The following PKN2 variants were observed in gnomAD, a reference collection of about 807,000 sequenced individuals.
PKN2 encodes protein kinase N2, also known as serine/threonine-protein kinase N2.
PKN2 carries 38 observed loss-of-function variants against 119.1 expected under a neutral mutation model. The ratio of observed to expected loss-of-function variants is 0.32; its 90% CI spans 0.25 to 0.42. The LOEUF is 0.42. PKN2 is among the 10% of genes least tolerant of loss of function. The pLI, the probability that PKN2 is intolerant of heterozygous loss-of-function variation, is 1.00. For synonymous variants in PKN2, 390 were observed against 384.9 expected, an observed-to-expected ratio of 1.01 and a Z score of -0.15; for missense variants, 850 against 1,165.1, an observed-to-expected ratio of 0.73 and a Z score of 3.94.
intron 8 of PKN2, 75 bp downstream of exon 8, chr1:88,786,288 T>G: frequency 1.4e-6 from 1 of 720,250 alleles, no homozygotes; most frequent in Non-Finnish European, 2.3e-6. Flanking sequence ...TTAGAAGGCT[T>G]CAACAAGTTG....
At chr1:88,729,449 A>C (rs1450583384) in intron 1 of PKN2, among the ~76,000 whole-genome samples, 2 of 152,152 alleles carry the variant, frequency 1.3e-5, no homozygotes, top group East Asian at 3.9e-4. Flanking sequence ...GCTGGTGGCT[A>C]AGCTGGACTG....
At chr1:88,726,749 G>T (rs1667913940) in intron 1 of PKN2, among the ~76,000 whole-genome samples, 1 of 120,510 alleles carries the variant, frequency 8.3e-6, no homozygotes, top group Non-Finnish European at 1.8e-5. Context: ...TTTCATATTG[G>T]GTGAGTTTTG....
chr1:88,835,792 A>G lies in PKN2; in HGVS notation c.*2344A>G, dbSNP rs1672923011. On this transcript the variant is annotated 3_prime_UTR_variant, in exon 22 of 22. Coordinates refer to ENST00000370521, the MANE Select transcript of PKN2 (RefSeq NM_006256.4). ...AATGCACAAATTAAAGTCTATATAG[A>G]TTGAAATTTGTAACTTTGGTTTTAA... 6.6e-6 allele frequency: 1 copy of G among 152,552 alleles called. No homozygotes were observed. Among genetic ancestry groups the G allele is most frequent in the Non-Finnish European group, 1.5e-5 (1 of 67,974 alleles). 9.4% of individuals were successfully genotyped at this position (152,552 alleles called of 1,614,324 possible).
chr1:88,784,694 A>G lies in PKN2; in HGVS notation c.1041A>G (p.Gly347=). Reference sequence around the variant, plus strand: ...AAGATATCCTAGAGAATGTCCCTGGACGGTCAAAAGCAACATCAGTTGCAC... The same window carrying G: ...AAGATATCCTAGAGAATGTCCCTGGGCGGTCAAAAGCAACATCAGTTGCAC... ...GCQDILENVP[G]RSKATSVALP... is the part of the protein sequence containing the mutation. The change falls in exon 7 of 22, where the codon GGA becomes GGG. Residue 347 remains glycine (G), a synonymous_variant. Transcript: ENST00000370521. 1.2e-6 allele frequency: 2 copies of G among 1,611,996 alleles called. No homozygotes were observed. The highest frequency in any genetic ancestry group is 1.7e-6 in the Non-Finnish European group (2 of 1,178,872).
rs531568547 is a variant in PKN2, at chr1:88,778,695, G to A, written c.986-5944G>A. On this transcript the variant is annotated intron_variant, in intron 6 of 21. Coordinates refer to ENST00000370521, the MANE Select transcript of PKN2 (RefSeq NM_006256.4). Reference sequence around the variant, plus strand: ...TTTGACAGATGCCCTCCACTTAGCTGTTTCTCTGCCTTCAAAGATTTTCTT... The same window carrying A: ...TTTGACAGATGCCCTCCACTTAGCTATTTCTCTGCCTTCAAAGATTTTCTT... 2.0e-4 allele frequency among the ~76,000 whole-genome samples: 31 copies of A among 151,702 alleles called. No individual in the cohort carries two copies. The East Asian group carries it at 5.8e-3, about 28-fold the overall frequency.
In PKN2 at chr1:88,771,403, T is replaced by A; in HGVS notation, c.623-18T>A. Reference sequence around the variant, plus strand: ...AGTCAGATAAATGGTGCAATTAAAATTTTTTTTTCCTTTCTAGCAAAACCT... The same window carrying A: ...AGTCAGATAAATGGTGCAATTAAAAATTTTTTTTCCTTTCTAGCAAAACCT... On this transcript the variant is annotated intron_variant, in intron 4 of 21. Coordinates refer to ENST00000370521, the MANE Select transcript of PKN2 (RefSeq NM_006256.4). 3 of 1,545,454 alleles carry A rather than the reference T, an allele frequency of 1.9e-6. No individual in the cohort carries two copies. Among genetic ancestry groups the A allele is most frequent in the Non-Finnish European group, 2.6e-6 (3 of 1,147,278 alleles).
chr1:88,700,808 T>C (rs1225464699), intron 1 of PKN2, among the ~76,000 whole-genome samples: 1 of 152,244 alleles, frequency 6.6e-6, no homozygotes, highest in Non-Finnish European at 1.5e-5. Flanking sequence ...AAAGGAAGTA[T>C]TCACTTCTGT....
chr1:88,708,538 A>G (rs149236611), intron 1 of PKN2, among the ~76,000 whole-genome samples: 42 of 152,068 alleles, frequency 2.8e-4, no homozygotes, highest in African/African-American at 1.0e-3. Context: ...ATTATATTCA[A>G]CATAATGTAG....
At chr1:88,778,799 C>T (rs1670210835) in intron 6 of PKN2, among the ~76,000 whole-genome samples, 1 of 152,012 alleles carries the variant, frequency 6.6e-6, no homozygotes, top group South Asian at 2.1e-4. Flanking sequence ...CTGCAAGCTC[C>T]GCCTCCTGGA....
At chr1:88,819,988 C>T (rs1221395700) in intron 16 of PKN2, among the ~76,000 whole-genome samples, 1 of 151,270 alleles carries the variant, frequency 6.6e-6, no homozygotes, top group Non-Finnish European at 1.5e-5. Flanking sequence ...GAACATCACA[C>T]ACCGGGGGTC....
intron 8 of PKN2, among the ~76,000 whole-genome samples, chr1:88,786,514 C>G (rs984371985): frequency 6.6e-6 from 1 of 152,116 alleles, no homozygotes; most frequent in Admixed American, 6.5e-5. Flanking sequence ...GCGCTAACAG[C>G]TAAGGCGATT....
chr1:88,798,736 A>G (rs1490895974), intron 8 of PKN2, among the ~76,000 whole-genome samples: 1 of 152,238 alleles, frequency 6.6e-6, no homozygotes, highest in Non-Finnish European at 1.5e-5. Flanking sequence ...ATTAGAAGGA[A>G]TGGGGCAGAG....
At chr1:88,775,458 T>G (rs1463749453) in intron 6 of PKN2, among the ~76,000 whole-genome samples, 3 of 152,242 alleles carry the variant, frequency 2.0e-5, no homozygotes, top group African/African-American at 7.2e-5. Flanking sequence ...GGTTTTGTGC[T>G]GAATAATACT....
At chr1:88,772,181 T>C (rs1669923504) in intron 6 of PKN2, among the ~76,000 whole-genome samples, 1 of 152,220 alleles carries the variant, frequency 6.6e-6, no homozygotes, top group African/African-American at 2.4e-5. Flanking sequence ...TAGCAACTAC[T>C]AATTGTCTGT....
rs371640614 is a variant in PKN2 at position 88,833,382 on chromosome 1, A to C, written c.2889A>C (p.Pro963=). 41 of 1,613,498 alleles carry C rather than the reference A, an allele frequency of 2.5e-5. No individual in the cohort carries two copies. Among genetic ancestry groups the C allele is most frequent in the Non-Finnish European group, 3.1e-5 (37 of 1,179,514 alleles). ...EAPILTPPRE[P]RILSEEEQEM... ...CTATTCTGACTCCACCTCGAGAACC[A>C]AGGATACTTTCGGAAGAGGAGCAGG... The change falls in exon 22 of 22, where the codon CCA becomes CCC. Residue 963 remains proline (P), a synonymous_variant. Coordinates refer to ENST00000370521, the MANE Select transcript of PKN2 (RefSeq NM_006256.4).
intron 1 of PKN2, among the ~76,000 whole-genome samples, chr1:88,725,348 C>A (rs1667854718): frequency 6.6e-6 from 1 of 152,090 alleles, no homozygotes; most frequent in Non-Finnish European, 1.5e-5. Flanking sequence ...AGTGGCTATA[C>A]CACCTTACAT....
Position 88,721,417 on chromosome 1 carries a change from G to A in PKN2, c.49-19571G>A, listed in dbSNP as rs187580982. Among the ~76,000 whole-genome samples, 15 of 152,120 alleles carry A rather than the reference G, an allele frequency of 9.9e-5. No homozygotes were observed. The East Asian group carries it at 2.9e-3, about 29-fold the overall frequency. On this transcript the variant is annotated intron_variant, in intron 1 of 21. Transcript: ENST00000370521. ...TTATATTGGTTAGTAATAGGTATAC[G>A]GAACTAATTATCATTATTTCTTATA... is the stretch of plus-strand genomic sequence containing the variant.
At chr1:88,797,523 T>A (rs1372235236) in intron 8 of PKN2, among the ~76,000 whole-genome samples, 4 of 150,846 alleles carry the variant, frequency 2.7e-5, no homozygotes, top group Non-Finnish European at 4.4e-5. Context: ...ACACCTGTAG[T>A]CCCAGCTACT....
At chr1:88,783,533 A>G (rs1670440704) in intron 6 of PKN2, among the ~76,000 whole-genome samples, 1 of 152,242 alleles carries the variant, frequency 6.6e-6, no homozygotes, top group Non-Finnish European at 1.5e-5. Flanking sequence ...GGATAGAAAT[A>G]TATAAGTACT....
Sources: allele counts gnomAD v4.1 joint callset (sites outside exome capture counted in the v4.1 genomes callset), GRCh38; gene constraint gnomAD v4.1.1; transcripts MANE v1.5; gene names NCBI Gene and HGNC (gene_info 2026-07-23, HGNC 2026-07-21).